The following PAM variants were observed in gnomAD, a reference collection of about 807,000 sequenced individuals.
The protein encoded by PAM is peptidyl-glycine alpha-amidating monooxygenase.
PAM carries 72 observed loss-of-function variants against 122.1 expected under a neutral mutation model. The observed-to-expected ratio is 0.59, with a 90% CI of 0.49 to 0.72. The LOEUF (loss-of-function observed/expected upper bound fraction) is 0.72. Among genes scored for constraint, PAM ranks in the 30% least tolerant of loss-of-function variants. The pLI is 0.00. For missense variants in PAM, 1,106 were observed against 1,183.7 expected (o/e 0.93, Z 0.96); for synonymous variants, 389 against 404.4 (o/e 0.96, Z 0.46).
chr5:102,880,168 C>G (rs1454984342), intron 3 of PAM, among the ~76,000 whole-genome samples: 1 of 151,956 alleles, frequency 6.6e-6, no homozygotes, highest in African/African-American at 2.4e-5. Context: ...GCTTTCCCAG[C>G]TACTTGGGAG....
chr5:102,909,107 C>G (rs1307172265), intron 4 of PAM, among the ~76,000 whole-genome samples: 3 of 151,530 alleles, frequency 2.0e-5, no homozygotes, highest in Non-Finnish European at 4.4e-5. Context: ...TCATGACATA[C>G]CTTTTATATT....
rs1763690741 is a variant in PAM, at chr5:102,797,524, C to A, written c.-374+42176C>A. ...GCTTTCGACCTGCTGTAGCAGTATA[C>A]AGAACTGAATGTCAGGCAGAATATT... On this transcript the variant is annotated intron_variant, in intron 1 of 25. Transcript: ENST00000438793. 2.6e-5 allele frequency among the ~76,000 whole-genome samples: 4 copies of A among 152,130 alleles called. No individual in the cohort carries two copies. The South Asian group carries it at 8.3e-4, about 31-fold the overall frequency.
intron 1 of PAM, among the ~76,000 whole-genome samples, chr5:102,816,822 A>G (rs759938473): frequency 1.2e-4 from 18 of 152,058 alleles, no homozygotes; most frequent in Non-Finnish European, 1.9e-4. Context: ...CATGGCTTTA[A>G]ATTCCATCCA....
intron 7 of PAM, among the ~76,000 whole-genome samples, chr5:102,928,090 A>G (rs900161098): frequency 6.6e-6 from 1 of 152,142 alleles, no homozygotes; most frequent in African/African-American, 2.4e-5. Context: ...AATTTCCTCA[A>G]AAAAGGCAAG....
chr5:103,000,974 T>C (rs1415174297), intron 16 of PAM, among the ~76,000 whole-genome samples: 1 of 152,170 alleles, frequency 6.6e-6, no homozygotes, highest in Non-Finnish European at 1.5e-5. Flanking sequence ...ATTATTAAAT[T>C]ATATTCTTTG....
chr5:102,810,689 G>T lies in PAM; in HGVS notation c.-373-55134G>T, dbSNP rs569246584. 4.6e-5 allele frequency among the ~76,000 whole-genome samples: 7 copies of T among 152,218 alleles called. No homozygotes were observed. In the South Asian group the frequency reaches 1.5e-3, roughly 32 times the overall value. On this transcript the variant is annotated intron_variant, in intron 1 of 25. Transcript: ENST00000438793. The stretch of plus-strand genomic sequence containing the variant: ...ACTAAAAATACAAAATTAGTCAGGC[G>T]TGGTGGCGCATGCCTGTAATCCCAG...
intron 3 of PAM, among the ~76,000 whole-genome samples, chr5:102,879,068 A>G (rs1030264505): frequency 2.0e-5 from 3 of 152,070 alleles, no homozygotes; most frequent in Non-Finnish European, 4.4e-5. Flanking sequence ...AGCTGGGACT[A>G]CAGGCGCCTG....
chr5:102,991,010 A>G (rs1293870398), intron 16 of PAM, among the ~76,000 whole-genome samples: 1 of 152,218 alleles, frequency 6.6e-6, no homozygotes, highest in East Asian at 1.9e-4. Flanking sequence ...CTCCTGCTTT[A>G]TCCTCTGGAT....
chr5:102,952,219 G>A (rs978228532), intron 12 of PAM, among the ~76,000 whole-genome samples: 1 of 152,038 alleles, frequency 6.6e-6, no homozygotes, highest in Admixed American at 6.6e-5. Flanking sequence ...AGTTTGCAGC[G>A]GGGAGGTTTG....
intron 12 of PAM, among the ~76,000 whole-genome samples, chr5:102,952,186 T>G (rs1395291418): frequency 6.6e-6 from 1 of 152,094 alleles, no homozygotes; most frequent in Non-Finnish European, 1.5e-5. Context: ...AAAACAGAAT[T>G]TTTTGCCTAG....
chr5:102,907,165 T>G lies in PAM; in HGVS notation c.268+5752T>G, dbSNP rs193005821. 1.8e-3 allele frequency among the ~76,000 whole-genome samples: 267 copies of G among 151,858 alleles called. 1 individual carries two copies. The highest frequency in any genetic ancestry group is 6.0e-3 in the African/African-American group (250 of 41,500). On this transcript the variant is annotated intron_variant, in intron 4 of 25. Coordinates refer to ENST00000438793, the MANE Select transcript of PAM (RefSeq NM_001177306.2). ...AGTCCTCATAAACCACCATAAGCATTCTTTACCAATGGTACATCATTGTCC... is the reference window on the plus strand; with the variant it reads ...AGTCCTCATAAACCACCATAAGCATGCTTTACCAATGGTACATCATTGTCC...
intron 1 of PAM, among the ~76,000 whole-genome samples, chr5:102,778,776 G>A (rs180917846): frequency 5.1e-4 from 77 of 152,260 alleles, no homozygotes; most frequent in African/African-American, 1.6e-3. Flanking sequence ...TGGTGGGTTG[G>A]TGATGACAGT....
rs114206494 is a variant in PAM, at chr5:102,816,307, G to T, written c.-373-49516G>T. On this transcript the variant is annotated intron_variant, in intron 1 of 25. Coordinates refer to ENST00000438793, the MANE Select transcript of PAM (RefSeq NM_001177306.2). ...TTCTTTGCCACAAAAGCAGCATTGG[G>T]CTCAGAGAATTAAGGCATTCTCTGC... is the stretch of plus-strand genomic sequence containing the variant. 9.3e-3 allele frequency among the ~76,000 whole-genome samples: 1,418 copies of T among 152,152 alleles called. 23 individuals are homozygous for T. The highest frequency in any genetic ancestry group is 0.031 in the African/African-American group (1,305 of 41,494).
intron 1 of PAM, among the ~76,000 whole-genome samples, chr5:102,861,316 T>C (rs567460591): frequency 6.6e-6 from 1 of 152,344 alleles, no homozygotes; most frequent in South Asian, 2.1e-4. Context: ...TAATTAGATA[T>C]GCAGCAATGG....
chr5:102,913,553 A>C (rs930552705), intron 4 of PAM, among the ~76,000 whole-genome samples: 2 of 151,906 alleles, frequency 1.3e-5, no homozygotes, highest in African/African-American at 4.8e-5. Context: ...CTTTTTCACT[A>C]CAATGTTGAG....
At chr5:102,856,549 G>A (rs1259821374) in intron 1 of PAM, among the ~76,000 whole-genome samples, 1 of 152,066 alleles carries the variant, frequency 6.6e-6, no homozygotes, top group African/African-American at 2.4e-5. Flanking sequence ...ACATGTGTTA[G>A]GAAGCAACAT....
chr5:102,759,274 T>C (rs1751617078), intron 1 of PAM, among the ~76,000 whole-genome samples: 1 of 152,146 alleles, frequency 6.6e-6, no homozygotes, highest in African/African-American at 2.4e-5. Context: ...GAAAACTTCC[T>C]AGCAGCATGA....
intron 1 of PAM, among the ~76,000 whole-genome samples, chr5:102,816,338 G>C (rs1769784157): frequency 6.6e-6 from 1 of 152,134 alleles, no homozygotes; most frequent in African/African-American, 2.4e-5. Flanking sequence ...TCTGCCTCAA[G>C]GAACTTACAT....
rs149152897 is a variant in PAM, at chr5:102,917,642, G to A, written c.356+3621G>A. On this transcript the variant is annotated intron_variant, in intron 5 of 25. Coordinates refer to ENST00000438793, the MANE Select transcript of PAM (RefSeq NM_001177306.2). ...CACTTCAGTGTTCCATTTTCATTGC[G>A]AGCAGGTTGGCAAATAGGTGTCTTT... Among the ~76,000 whole-genome samples the A allele has an allele frequency of 4.8e-3, 725 of 152,182 alleles. 4 individuals are homozygous for A. Among genetic ancestry groups the A allele is most frequent in the South Asian group, 0.023 (110 of 4,820 alleles).
Sources: allele counts gnomAD v4.1 joint callset (sites outside exome capture counted in the v4.1 genomes callset), GRCh38; gene constraint gnomAD v4.1.1; transcripts MANE v1.5; gene names NCBI Gene and HGNC (gene_info 2026-07-23, HGNC 2026-07-21).